Variants in OXNAD1 observed in about 807,000 individuals in gnomAD.
The protein encoded by OXNAD1 is oxidoreductase NAD-binding domain-containing protein 1.
Under a neutral mutation model 32.9 loss-of-function variants are expected in OXNAD1, and 34 were observed. The ratio of observed to expected loss-of-function variants is 1.03; its 90% confidence interval spans 0.79 to 1.38. The LOEUF (loss-of-function observed/expected upper bound fraction) is 1.38. Among genes scored for constraint, OXNAD1 ranks in the 40% most tolerant of loss-of-function variants. The pLI is 0.00. For synonymous variants in OXNAD1, 134 were observed against 135.2 expected (o/e 0.99, Z 0.06); for missense variants, 407 against 379.4 (o/e 1.07, Z -0.60).
intron 4 of OXNAD1, among the ~76,000 whole-genome samples, chr3:16,282,913 T>G (rs1357623308): frequency 7.0e-6 from 1 of 143,118 alleles, no homozygotes; most frequent in Non-Finnish European, 1.5e-5. Context: ...GTTGGAACAT[T>G]AGGAATATTT....
rs1280392912 is a variant in OXNAD1 at position 16,342,742 on chromosome 3, A to G, written c.*31-6434A>G. 6.6e-6 allele frequency among the ~76,000 whole-genome samples: 1 copy of G among 152,252 alleles called. No homozygotes were observed. ...CTTCACCCGAAAAGGATGTTTAAAG[A>G]GGCCACTGATTTAAAAGCTCTGTGT... On this transcript the variant is annotated intron_variant, in intron 9 of 9. Coordinates refer to the OXNAD1 transcript ENST00000606098. This position sits in a 1 kb window ranked among gnomAD's most constrained non-coding sequence, Gnocchi z 4.0.
rs1243617590 is a variant in OXNAD1 at position 16,343,482 on chromosome 3, A to T, written c.*31-5694A>T. Reference sequence around the variant, plus strand: ...AGATAAACATGTCCAATTGTTTCCCACCATTTCCAGGTGTCTCCCGCATCA... The same window carrying T: ...AGATAAACATGTCCAATTGTTTCCCTCCATTTCCAGGTGTCTCCCGCATCA... On this transcript the variant is annotated intron_variant, in intron 9 of 9. Coordinates refer to the OXNAD1 transcript ENST00000606098. Among the ~76,000 whole-genome samples, 25 of 152,044 alleles carry T rather than the reference A, an allele frequency of 1.6e-4. 1 individual carries two copies. The highest frequency in any genetic ancestry group is 1.6e-3 in the Admixed American group (25 of 15,270).
At chr3:16,272,014 T>C in intron 4 of OXNAD1, 1 of 510,936 alleles carries the variant, frequency 2.0e-6, no homozygotes, top group Non-Finnish European at 3.5e-6. Context: ...TTTAGGGTTA[T>C]GTTTTAGCAC....
Position 16,271,557 on chromosome 3 carries a change from TG to T in OXNAD1, c.120-101del. ...ACTGGCCATTTTATAGGATCTGTAA[TG>T]TTACACTGTATTTAGGATAACCATG... On this transcript the variant is annotated intron_variant, in intron 3 of 8. Coordinates refer to ENST00000285083, the MANE Select transcript of OXNAD1 (RefSeq NM_138381.5). This position sits in a 1 kb window ranked among gnomAD's most constrained non-coding sequence, Gnocchi z 4.6. 1.0e-6 allele frequency: 1 copy of T among 984,968 alleles called. No homozygotes were observed. The highest frequency in any genetic ancestry group is 1.5e-6 in the Non-Finnish European group (1 of 682,080). 61.0% of individuals were successfully genotyped at this position (984,968 alleles called of 1,614,324 possible).
Position 16,288,622 on chromosome 3 carries a change from G to A in OXNAD1, c.290+2174G>A, listed in dbSNP as rs1335847497. Among the ~76,000 whole-genome samples the A allele has an allele frequency of 6.6e-6, 1 of 152,164 alleles. No homozygotes were observed. The highest frequency in any genetic ancestry group is 1.5e-5 in the Non-Finnish European group (1 of 68,044). On this transcript the variant is annotated intron_variant, in intron 5 of 8. Coordinates refer to ENST00000285083, the MANE Select transcript of OXNAD1 (RefSeq NM_138381.5). The surrounding 1 kb of genome is among the most constrained non-coding windows in gnomAD (Gnocchi z 5.1). ...CTTGCAGAGAGGGCTGGTTCCTGTA[G>A]CAATAAACCAGTTCCAAGAACTGTA... is the stretch of plus-strand genomic sequence containing the variant.
In OXNAD1 at chr3:16,265,262, C is replaced by T. The variant is rs1244262235; in HGVS notation, c.-402C>T. On this transcript the variant is annotated 5_prime_UTR_variant, in exon 1 of 9. Transcript: ENST00000285083. This position sits in a 1 kb window ranked among gnomAD's most constrained non-coding sequence, Gnocchi z 4.8. ...GTGGCCGGGTCTGCAAGCTAGGTGCCAGCGGGGAAAGTTTCCCTGCTTCTT... is the reference window on the plus strand; with the variant it reads ...GTGGCCGGGTCTGCAAGCTAGGTGCTAGCGGGGAAAGTTTCCCTGCTTCTT... The T allele has an allele frequency of 1.3e-5, 3 of 228,242 alleles. No individual in the cohort carries two copies. The highest frequency in any genetic ancestry group is 6.8e-5 in the South Asian group (1 of 14,754). 14.1% of individuals were successfully genotyped at this position (228,242 alleles called of 1,614,324 possible).
At position 16,327,352 on chromosome 3, in the gene OXNAD1, A is replaced by C. The variant is rs1399845113; in HGVS notation, c.*31-9760A>C. ...CATGCACATCCACATGTGTGTGTAC[A>C]CGCAGAAGCTGCTTTGCCTGTGTTA... On this transcript the variant is annotated intron_variant, in intron 9 of 9. Transcript: ENST00000435829. This position sits in a 1 kb window ranked among gnomAD's most constrained non-coding sequence, Gnocchi z 4.2. Among the ~76,000 whole-genome samples the C allele has an allele frequency of 6.6e-6, 1 of 152,218 alleles. No homozygotes were observed. The highest frequency in any genetic ancestry group is 1.9e-4 in the East Asian group (1 of 5,204).
chr3:16,347,298 T>C (rs1009542509), intron 9 of OXNAD1, among the ~76,000 whole-genome samples: 3 of 152,232 alleles, frequency 2.0e-5, no homozygotes, highest in Non-Finnish European at 2.9e-5. Flanking sequence ...ATATCCATTT[T>C]CTAGGGGGGG....
In OXNAD1 at chr3:16,269,136, A is replaced by C; in HGVS notation, c.-148A>C. On this transcript the variant is annotated 5_prime_UTR_variant, in exon 2 of 9. Transcript: ENST00000285083. ...TTTGTGCCATTGCAGGAACTTTGTG[A>C]GAATTTTAATGCATGGAAAAGCTGT... 1 of 1,484,934 alleles carries C rather than the reference A, an allele frequency of 6.7e-7. No individual in the cohort carries two copies. Among genetic ancestry groups the C allele is most frequent in the South Asian group, 1.3e-5 (1 of 75,980 alleles). The allele number at this position is 1,484,934 out of a possible 1,614,324, so 92.0% of individuals were successfully genotyped here. A position where few individuals can be genotyped will look rare whatever the true frequency, so the allele number is the denominator to read the frequency against.
chr3:16,341,463 C>T (rs1455464881), downstream of OXNAD1, among the ~76,000 whole-genome samples: 1 of 152,132 alleles, frequency 6.6e-6, no homozygotes, highest in Non-Finnish European at 1.5e-5. This position sits in a 1 kb window ranked among gnomAD's most constrained non-coding sequence, Gnocchi z 4.7. Flanking sequence ...AAATATTATC[C>T]AGCACTAAAA....
intron 9 of OXNAD1, among the ~76,000 whole-genome samples, chr3:16,328,011 A>T (rs1266402882): frequency 6.6e-6 from 1 of 152,212 alleles, no homozygotes; most frequent in East Asian, 1.9e-4. Flanking sequence ...ACATGTATCC[A>T]GATTCCTTCC....
At chr3:16,332,397 TTCTTA>T (rs376939084) in intron 9 of OXNAD1, among the ~76,000 whole-genome samples, 4 of 142,428 alleles carry the variant, frequency 2.8e-5, no homozygotes, top group Non-Finnish European at 4.6e-5. Context: ...CAAAAGCCCT[TTCTTA>T]TCTTTTGATT....
Position 16,304,550 on chromosome 3 carries a change from C to T in OXNAD1, c.*988C>T, listed in dbSNP as rs1318149617. 6.6e-6 allele frequency: 1 copy of T among 152,202 alleles called. No homozygotes were observed. Among genetic ancestry groups the T allele is most frequent in the Non-Finnish European group, 1.5e-5 (1 of 68,040 alleles). 9.4% of individuals were successfully genotyped at this position (152,202 alleles called of 1,614,324 possible). On this transcript the variant is annotated 3_prime_UTR_variant, in exon 9 of 9. Coordinates refer to ENST00000285083, the MANE Select transcript of OXNAD1 (RefSeq NM_138381.5). The surrounding 1 kb of genome is among the most constrained non-coding windows in gnomAD (Gnocchi z 4.6). ...GTGGATAGAAAGAATGGTGGAGCCT[C>T]ATCCCAAAGCTGCTCTGATGAAACT...
Position 16,312,861 on chromosome 3 carries a change from T to G in OXNAD1, c.*30+9269T>G, listed in dbSNP as rs2068064487. Among the ~76,000 whole-genome samples the G allele has an allele frequency of 6.6e-6, 1 of 152,222 alleles. No individual in the cohort carries two copies. On this transcript the variant is annotated intron_variant, in intron 9 of 9. Coordinates refer to the OXNAD1 transcript ENST00000435829. This position sits in a 1 kb window ranked among gnomAD's most constrained non-coding sequence, Gnocchi z 4.7. ...GTCAACCTGGAGATCTGAAAAAATCTGACAGGCATTTGACTAATGTTTACC... is the reference window on the plus strand; with the variant it reads ...GTCAACCTGGAGATCTGAAAAAATCGGACAGGCATTTGACTAATGTTTACC...
intron 5 of OXNAD1, 99 bp from the exon 6 acceptor site, chr3:16,294,757 A>G: frequency 8.6e-7 from 1 of 1,160,674 alleles, no homozygotes; most frequent in Admixed American, 2.5e-5. Context: ...GATTTTAGTA[A>G]TTTTTTTTCA....
intron 6 of OXNAD1, among the ~76,000 whole-genome samples, chr3:16,300,579 C>T (rs568488292): frequency 1.3e-5 from 2 of 152,306 alleles, no homozygotes; most frequent in African/African-American, 2.4e-5. Flanking sequence ...CCTACAAGAA[C>T]GTCTTTTGGG....
chr3:16,303,302 A>G lies in OXNAD1; in HGVS notation c.785-106A>G. The G allele has an allele frequency of 7.5e-7, 1 of 1,327,214 alleles. No homozygotes were observed. The highest frequency in any genetic ancestry group is 1.1e-6 in the Non-Finnish European group (1 of 951,248). 82.2% of individuals were successfully genotyped at this position (1,327,214 alleles called of 1,614,324 possible). A position where few individuals can be genotyped will look rare whatever the true frequency, so the allele number is the denominator to read the frequency against. On this transcript the variant is annotated intron_variant, in intron 8 of 8. Transcript: ENST00000285083. This position sits in a 1 kb window ranked among gnomAD's most constrained non-coding sequence, Gnocchi z 4.8. Reference sequence around the variant, plus strand: ...TGAATGGCTTAAGAAGACTAGACTCACTGAACTTGGAAATAAACACTGTAT... The same window carrying G: ...TGAATGGCTTAAGAAGACTAGACTCGCTGAACTTGGAAATAAACACTGTAT...
intron 4 of OXNAD1, among the ~76,000 whole-genome samples, chr3:16,274,054 G>C (rs990872317): frequency 6.6e-6 from 1 of 151,608 alleles, no homozygotes; most frequent in African/African-American, 2.4e-5. Flanking sequence ...ATACTTTAAA[G>C]GTTACACCTA....
In OXNAD1 at chr3:16,312,616, G is replaced by C. The variant is rs1307014323; in HGVS notation, c.*30+9024G>C. Among the ~76,000 whole-genome samples, 1 of 152,204 alleles carries C rather than the reference G, an allele frequency of 6.6e-6. No individual in the cohort carries two copies. The highest frequency in any genetic ancestry group is 1.9e-4 in the East Asian group (1 of 5,202). The stretch of plus-strand genomic sequence containing the variant: ...GCCAGCTAGGAGCTCAGCTAGAGTG[G>C]GTTGCACGAGTCGTGAGTTTGGGGT... On this transcript the variant is annotated intron_variant, in intron 9 of 9. Transcript: ENST00000435829. This position sits in a 1 kb window ranked among gnomAD's most constrained non-coding sequence, Gnocchi z 4.7.
Sources: gnomAD v4.1 joint callset for allele counts (sites outside exome capture counted in the v4.1 genomes callset) on GRCh38, gnomAD v4.1.1 for gene constraint, Gnocchi (gnomAD v3.1) non-coding constraint, MANE v1.5 for transcripts, NCBI Gene and HGNC (gene_info 2026-07-23, HGNC 2026-07-21) for gene names.